Variants in RAPGEF5 observed in about 807,000 individuals in gnomAD.
RAPGEF5 encodes Rap guanine nucleotide exchange factor 5.
RAPGEF5 carries 65 observed loss-of-function variants against 125.2 expected under a neutral mutation model. That is an observed-to-expected ratio of 0.52 (90% CI 0.43 to 0.64). The LOEUF is 0.64. Ranked by LOEUF, RAPGEF5 falls within the 30% of genes least tolerant of loss-of-function variation. RAPGEF5 has a pLI of 0.00. For synonymous variants in RAPGEF5, 391 were observed against 385.9 expected (o/e 1.01, Z -0.16); for missense variants, 958 against 1,048.1 (o/e 0.91, Z 1.19).
chr7:22,337,314 G>A (rs1318128023), intron 1 of RAPGEF5, among the ~76,000 whole-genome samples: 15 of 152,120 alleles, frequency 9.9e-5, no homozygotes, highest in African/African-American at 3.1e-4. Context: ...GTTGTCAAGC[G>A]TTGTGGGTCC....
intron 13 of RAPGEF5, among the ~76,000 whole-genome samples, chr7:22,161,846 T>C (rs900992023): frequency 5.3e-5 from 8 of 152,198 alleles, no homozygotes; most frequent in Admixed American, 3.3e-4. Context: ...ATGATTTTGG[T>C]GGCCAAAGGA....
intron 7 of RAPGEF5, among the ~76,000 whole-genome samples, chr7:22,244,728 T>C (rs1366865536): frequency 2.6e-5 from 4 of 152,194 alleles, no homozygotes; most frequent in South Asian, 4.1e-4. Context: ...GTAGAAAAAC[T>C]GTCTCCCATG....
At chr7:22,140,158 C>A in intron 20 of RAPGEF5, 43 bp from the exon 21 acceptor site, 1 of 1,485,268 alleles carries the variant, frequency 6.7e-7, no homozygotes, top group South Asian at 1.2e-5. Context: ...AGGAAACATT[C>A]TTTCCCCAGA....
rs988913593 is a variant in RAPGEF5 at position 22,324,140 on chromosome 7, G to A, written c.232-6103C>T. 3.5e-4 allele frequency among the ~76,000 whole-genome samples: 54 copies of A among 152,194 alleles called. 1 individual carries two copies. Among genetic ancestry groups the A allele is most frequent in the Non-Finnish European group, 6.9e-4 (47 of 68,034 alleles). On this transcript the variant is annotated intron_variant, in intron 1 of 25. Transcript: ENST00000665637. ...AATGATAAAAATTATCGCCTATCAT[G>A]AGACATGTTGACATCTGCCTCCTGA...
chr7:22,347,631 G>A (rs887519250), intron 1 of RAPGEF5, among the ~76,000 whole-genome samples: 4 of 152,162 alleles, frequency 2.6e-5, no homozygotes, highest in Non-Finnish European at 5.9e-5. Context: ...CAGAAGAAGT[G>A]TTAGACTGTA....
chr7:22,305,874 T>G (rs1783326336), intron 5 of RAPGEF5, among the ~76,000 whole-genome samples: 1 of 152,222 alleles, frequency 6.6e-6, no homozygotes, highest in South Asian at 2.1e-4. Flanking sequence ...TTGTTGCAAA[T>G]GACTATCTCT....
At chr7:22,276,584 A>G (rs1009392673) in intron 6 of RAPGEF5, among the ~76,000 whole-genome samples, 1 of 152,238 alleles carries the variant, frequency 6.6e-6, no homozygotes, top group African/African-American at 2.4e-5. Flanking sequence ...AACTCAGATT[A>G]GCGAAGACTG....
intron 10 of RAPGEF5, 49 bp from the exon 11 acceptor site, chr7:22,193,504 G>C: frequency 6.4e-7 from 1 of 1,557,098 alleles, no homozygotes; most frequent in Non-Finnish European, 8.7e-7. Flanking sequence ...GGAAGACTGC[G>C]AGCGGCTGCT....
intron 9 of RAPGEF5, among the ~76,000 whole-genome samples, chr7:22,202,274 T>G (rs1785295260): frequency 6.6e-6 from 1 of 152,118 alleles, no homozygotes; most frequent in Admixed American, 6.5e-5. Flanking sequence ...GGAGCCAGTT[T>G]TCACCCAGGA....
At chr7:22,235,589 G>C (rs1052199595) in intron 7 of RAPGEF5, among the ~76,000 whole-genome samples, 13 of 152,230 alleles carry the variant, frequency 8.5e-5, no homozygotes, top group Admixed American at 4.6e-4. Context: ...AGGTGTACTA[G>C]GTCGGAATCT....
chr7:22,293,523 C>T (rs1782981921), intron 5 of RAPGEF5, among the ~76,000 whole-genome samples: 1 of 152,148 alleles, frequency 6.6e-6, no homozygotes, highest in South Asian at 2.1e-4. Flanking sequence ...AAGCTTGTCT[C>T]TGGCTTCTCT....
intron 10 of RAPGEF5, 125 bp downstream of exon 10, chr7:22,193,780 GGAGAGGCGGA>G (rs899237912): frequency 1.9e-6 from 3 of 1,594,436 alleles, no homozygotes; most frequent in Non-Finnish European, 2.6e-6. Context: ...CTAGAACGCT[GGAGAGGCGGA>G]GAGAAAAGAG....
intron 11 of RAPGEF5, among the ~76,000 whole-genome samples, chr7:22,168,364 C>T (rs1784239167): frequency 6.6e-6 from 1 of 152,216 alleles, no homozygotes. Flanking sequence ...TCACCAGACA[C>T]TGAATCTGCT....
At chr7:22,169,859 CAAAAAAAA>C (rs71026858) in intron 11 of RAPGEF5, among the ~76,000 whole-genome samples, 2 of 25,946 alleles carry the variant, frequency 7.7e-5, no homozygotes, top group Admixed American at 8.1e-4. Flanking sequence ...GACTCTGTGT[CAAAAAAAA>C]AAAAAAAAAA....
chr7:22,207,357 C>T (rs775847818), intron 9 of RAPGEF5, among the ~76,000 whole-genome samples: 9 of 152,044 alleles, frequency 5.9e-5, no homozygotes, highest in South Asian at 4.2e-4. Flanking sequence ...TGGAGAGTTG[C>T]GCGTTATAGT....
At chr7:22,251,454 T>C (rs1448470773) in intron 7 of RAPGEF5, among the ~76,000 whole-genome samples, 1 of 152,132 alleles carries the variant, frequency 6.6e-6, no homozygotes, top group Non-Finnish European at 1.5e-5. Flanking sequence ...CACAGATTCA[T>C]CTGGGAAGCA....
intron 2 of RAPGEF5, among the ~76,000 whole-genome samples, chr7:22,316,682 A>G (rs1783607560): frequency 6.7e-6 from 1 of 150,090 alleles, no homozygotes; most frequent in Non-Finnish European, 1.5e-5. Context: ...TTTTTTTTGT[A>G]GAGACAGGTC....
chr7:22,154,290 T>C (rs1278233670), intron 17 of RAPGEF5, among the ~76,000 whole-genome samples, 165 bp downstream of exon 17: 1 of 152,152 alleles, frequency 6.6e-6, no homozygotes, highest in African/African-American at 2.4e-5. Flanking sequence ...TACCCAACTG[T>C]TGTCATGGAA....
chr7:22,182,544 TTTC>T (rs749382865), intron 11 of RAPGEF5, among the ~76,000 whole-genome samples: 1 of 152,168 alleles, frequency 6.6e-6, no homozygotes, highest in Non-Finnish European at 1.5e-5. Context: ...ACCACATGCG[TTTC>T]TACTAAAGCG....
Sources: allele counts gnomAD v4.1 joint callset (sites outside exome capture counted in the v4.1 genomes callset), GRCh38; gene constraint gnomAD v4.1.1; transcripts MANE v1.5; gene names NCBI Gene and HGNC (gene_info 2026-07-23, HGNC 2026-07-21).